The following WDR44 variants were observed in gnomAD, a reference collection of about 807,000 sequenced individuals.
WDR44 encodes the protein WD repeat-containing protein 44.
A neutral mutation model predicts 65.7 loss-of-function variants in WDR44; 9 were observed. The ratio of observed to expected loss-of-function variants is 0.14; its 90% CI spans 0.08 to 0.24. The LOEUF (loss-of-function observed/expected upper bound fraction) is 0.24. Among genes scored for constraint, WDR44 ranks in the 10% least tolerant of loss-of-function variants. The pLI is 1.00. For synonymous variants in WDR44, 220 were observed against 235.2 expected, an observed-to-expected ratio of 0.94 and a Z score of 0.59; for missense variants, 425 against 670.9, an observed-to-expected ratio of 0.63 and a Z score of 4.05.
At chrX:118,347,033 G>T (rs952377811) in intron 1 of WDR44, among the ~76,000 whole-genome samples, 1 of 111,975 alleles carries the variant, frequency 8.9e-6, no homozygotes. Context: ...ATTCACTTCA[G>T]AGGTGGCTGT....
chrX:118,412,412 A>G (rs1357379894), intron 12 of WDR44, among the ~76,000 whole-genome samples: 3 of 111,710 alleles, frequency 2.7e-5, no homozygotes, highest in African/African-American at 9.8e-5. Flanking sequence ...TGTTTTAGAA[A>G]GAGTATTCTG....
At chrX:118,419,805 A>G (rs752778821) in intron 12 of WDR44, among the ~76,000 whole-genome samples, 51 of 111,858 alleles carry the variant, frequency 4.6e-4, no homozygotes, top group African/African-American at 1.6e-3. Flanking sequence ...TTTAATTGGT[A>G]CATTTATACC....
intron 13 of WDR44, chrX:118,436,447 T>G (rs191553089): frequency 2.6e-6 from 1 of 390,837 alleles, no homozygotes; most frequent in East Asian, 5.5e-5. Context: ...CAGATTTCTT[T>G]AGACATTGAT....
intron 1 of WDR44, among the ~76,000 whole-genome samples, chrX:118,370,688 A>G (rs748217494): frequency 5.4e-5 from 6 of 110,245 alleles, no homozygotes; most frequent in African/African-American, 2.0e-4. Flanking sequence ...GGTTTAAGGA[A>G]TTCTCCTGCC....
At position 118,387,427 on chromosome X, in the gene WDR44, C is replaced by A. The variant is rs5956964; in HGVS notation, c.186+13C>A. The stretch of plus-strand genomic sequence containing the variant: ...TGTGTCTAAAAAGGTTGGAAAGATA[C>A]AATGTCAATATTAGTTTATAGCAGA... On this transcript the variant is annotated intron_variant, in intron 3 of 19. Transcript: ENST00000254029. The A allele has an allele frequency of 0.053, 59,981 of 1,127,085 alleles. 6,845 individuals carry two copies. Among genetic ancestry groups the A allele is most frequent in the African/African-American group, 0.46 (25,026 of 54,436 alleles). The allele number at this position is 1,127,085 out of a possible 1,213,427, so 92.9% of individuals were successfully genotyped here.
At chrX:118,396,428 A>G (rs1292755905) in intron 6 of WDR44, among the ~76,000 whole-genome samples, 2 of 112,589 alleles carry the variant, frequency 1.8e-5, no homozygotes, top group Non-Finnish European at 3.7e-5. Flanking sequence ...GATTGGATGG[A>G]TAAATAAAAT....
Position 118,419,640 on chromosome X carries a change from G to T in WDR44, c.1737+8681G>T, listed in dbSNP as rs759494747. Among the ~76,000 whole-genome samples, 20 of 111,744 alleles carry T rather than the reference G, an allele frequency of 1.8e-4. No individual in the cohort carries two copies. In the Admixed American group the frequency reaches 1.8e-3, roughly 10 times the overall value. On this transcript the variant is annotated intron_variant, in intron 12 of 19. Coordinates refer to ENST00000254029, the MANE Select transcript of WDR44 (RefSeq NM_019045.5). ...GATCTGCAGCTAAAATTCATGGTGT[G>T]AGCCTCCGCATGCTGCTCTGTCCAT...
intron 13 of WDR44, 96 bp from the exon 14 acceptor site, chrX:118,436,606 A>G (rs1227906330): frequency 1.1e-6 from 1 of 936,102 alleles, no homozygotes; most frequent in Non-Finnish European, 1.5e-6. Flanking sequence ...CAATAACAAA[A>G]CTGTTGAGAT....
At chrX:118,408,544 C>T (rs112408719) in intron 10 of WDR44, among the ~76,000 whole-genome samples, 6 of 110,912 alleles carry the variant, frequency 5.4e-5, no homozygotes, top group Admixed American at 9.6e-5. Context: ...ACCACAGGTG[C>T]GCACCACCAT....
intron 19 of WDR44, among the ~76,000 whole-genome samples, chrX:118,446,257 T>C (rs2057345532): frequency 9.1e-6 from 1 of 109,372 alleles, no homozygotes; most frequent in African/African-American, 3.3e-5. Context: ...TGTACTCCAG[T>C]CTGGGTGACA....
At chrX:118,365,609 T>C (rs1179787467) in intron 1 of WDR44, among the ~76,000 whole-genome samples, 1 of 112,327 alleles carries the variant, frequency 8.9e-6, no homozygotes, top group Non-Finnish European at 1.9e-5. Context: ...TTAGTAGATA[T>C]GCCATCAGTA....
intron 2 of WDR44, among the ~76,000 whole-genome samples, chrX:118,378,976 G>A (rs1367259057): frequency 9.1e-6 from 1 of 109,362 alleles, no homozygotes; most frequent in Non-Finnish European, 1.9e-5. Flanking sequence ...CCCAGGAAAT[G>A]GAGGCTGCAG....
At chrX:118,438,797 G>GTTTTTTTTTTTTTTTTTTTTTTT (rs1213083479) in intron 14 of WDR44, among the ~76,000 whole-genome samples, 7 of 64,044 alleles carry the variant, frequency 1.1e-4, no homozygotes, top group Admixed American at 2.4e-4. Context: ...GTTCAGCCAT[G>GTTTTTTTTTTTTTTTTTTTTTTT]TTTTTTTTTT....
In WDR44 at chrX:118,410,877, T is replaced by C. The variant is rs761612078; in HGVS notation, c.1673-18T>C. ...GTGTACATACATGCCTTTTTTACAA[T>C]TATTATGTTGTTTTTAGGACGTGTG... On this transcript the variant is annotated intron_variant, in intron 11 of 19. Transcript: ENST00000254029. The C allele has an allele frequency of 8.4e-7, 1 of 1,193,597 alleles. No individual in the cohort carries two copies. The highest frequency in any genetic ancestry group is 1.1e-6 in the Non-Finnish European group (1 of 885,678).
chrX:118,441,113 C>T (rs1027672734), intron 14 of WDR44, among the ~76,000 whole-genome samples: 1 of 108,641 alleles, frequency 9.2e-6, no homozygotes, highest in Admixed American at 1.0e-4. Context: ...CCGCGCACCA[C>T]CATGCCCAGC....
At chrX:118,379,483 A>C (rs1404687441) in intron 2 of WDR44, among the ~76,000 whole-genome samples, 2 of 111,561 alleles carry the variant, frequency 1.8e-5, no homozygotes, top group African/African-American at 6.5e-5. Context: ...GGGGGTAACT[A>C]CTCATAGAAA....
chrX:118,376,782 T>C lies in WDR44; in HGVS notation c.78-1637T>C, dbSNP rs186531778. ...ACTTTGGGAAGATGAGGCGGGTGGA[T>C]TGCTTGAGCCCAGGAGTTCGAGACC... is the stretch of plus-strand genomic sequence containing the variant. On this transcript the variant is annotated intron_variant, in intron 1 of 19. Coordinates refer to ENST00000254029, the MANE Select transcript of WDR44 (RefSeq NM_019045.5). Among the ~76,000 whole-genome samples the C allele has an allele frequency of 1.9e-3, 208 of 110,702 alleles. 1 individual carries two copies. Among genetic ancestry groups the C allele is most frequent in the African/African-American group, 6.7e-3 (203 of 30,434 alleles).
chrX:118,352,341 TATATATATATA>T (rs1189378561), intron 1 of WDR44, among the ~76,000 whole-genome samples: 1 of 24,160 alleles, frequency 4.1e-5, no homozygotes, highest in Non-Finnish European at 5.7e-5. Context: ...TATATATATA[TATATATATATA>T]TTTTTTTTTT....
At chrX:118,438,802 T>TTTTTTTTTG (rs2057277512) in intron 14 of WDR44, among the ~76,000 whole-genome samples, 1 of 96,134 alleles carries the variant, frequency 1.0e-5, no homozygotes. Context: ...GCCATGTTTT[T>TTTTTTTTTG]TTTTTTTTTT....
Sources: gnomAD v4.1 joint callset for allele counts (sites outside exome capture counted in the v4.1 genomes callset) on GRCh38, gnomAD v4.1.1 for gene constraint, MANE v1.5 for transcripts, NCBI Gene and HGNC (gene_info 2026-07-23, HGNC 2026-07-21) for gene names.